SESN3: variants seen among roughly 807,000 people sequenced by gnomAD.
SESN3 encodes sestrin 3.
In SESN3, 21 loss-of-function variants were observed where a neutral mutation model predicts 55.3. The observed-to-expected ratio is 0.38, with a 90% CI of 0.27 to 0.55. The LOEUF is 0.55. Among genes scored for constraint, SESN3 ranks in the 20% least tolerant of loss-of-function variants. The pLI is 0.76. For synonymous variants in SESN3, 181 were observed against 203.1 expected (o/e 0.89, Z 0.93); for missense variants, 408 against 604.3 (o/e 0.68, Z 3.41).
intron 9 of SESN3, among the ~76,000 whole-genome samples, chr11:95,173,795 G>A (rs879273280): frequency 6.6e-6 from 1 of 151,726 alleles, no homozygotes; most frequent in Non-Finnish European, 1.5e-5. Flanking sequence ...GATGTTTAAA[G>A]TTTCTGATTA....
chr11:95,189,139 A>G (rs1860218753), intron 4 of SESN3, among the ~76,000 whole-genome samples: 1 of 151,978 alleles, frequency 6.6e-6, no homozygotes, highest in Non-Finnish European at 1.5e-5. Context: ...GGTCCCATCT[A>G]TTGAATAGTT....
rs12576611 is a variant in SESN3 at position 95,214,817 on chromosome 11, T to C, written c.78+15966A>G. ...GGAAAGACCTACCAGAGTCTACCAATGTTAGTGCCAAAACGCTTATTTTTA... is the reference window on the plus strand; with the variant it reads ...GGAAAGACCTACCAGAGTCTACCAACGTTAGTGCCAAAACGCTTATTTTTA... On this transcript the variant is annotated intron_variant, in intron 1 of 9. Coordinates refer to ENST00000536441, the MANE Select transcript of SESN3 (RefSeq NM_144665.4). Among the ~76,000 whole-genome samples, 993 of 152,316 alleles carry C rather than the reference T, an allele frequency of 6.5e-3. 32 individuals are homozygous for C. In the East Asian group the frequency reaches 0.091, roughly 14 times the overall value.
intron 1 of SESN3, among the ~76,000 whole-genome samples, chr11:95,228,153 C>T (rs1426831578): frequency 6.6e-6 from 1 of 152,134 alleles, no homozygotes; most frequent in African/African-American, 2.4e-5. Flanking sequence ...ATGTAATTCT[C>T]ATACAATATA....
At chr11:95,211,911 T>C (rs1371873920) in intron 1 of SESN3, among the ~76,000 whole-genome samples, 4 of 152,202 alleles carry the variant, frequency 2.6e-5, no homozygotes, top group African/African-American at 9.7e-5. Context: ...AAACTATCAA[T>C]TGGCTCAAAG....
chr11:95,217,234 A>C (rs1021213437), intron 1 of SESN3, among the ~76,000 whole-genome samples: 2 of 152,236 alleles, frequency 1.3e-5, no homozygotes, highest in Admixed American at 6.5e-5. Context: ...AAGAAAGGTC[A>C]CCCATATCAA....
At chr11:95,185,684 T>C (rs1860149922) in intron 4 of SESN3, among the ~76,000 whole-genome samples, 192 bp from the exon 5 acceptor site, 1 of 152,108 alleles carries the variant, frequency 6.6e-6, no homozygotes, top group Admixed American at 6.6e-5. Flanking sequence ...CCTAACAATA[T>C]AATTACATTG....
In SESN3 at chr11:95,210,160, TGAACAATGA is replaced by T. The variant is rs1265344654; in HGVS notation, c.79-16647_79-16639del. Among the ~76,000 whole-genome samples, 7 of 150,224 alleles carry T rather than the reference TGAACAATGA, an allele frequency of 4.7e-5. No individual in the cohort carries two copies. In the East Asian group the frequency reaches 1.4e-3, roughly 29 times the overall value. The stretch of plus-strand genomic sequence containing the variant: ...CATGTTCTTGCTCATAAGTGGGAGG[TGAACAATGA>T]GAACACATGGACACAGGGAGGGGAA... On this transcript the variant is annotated intron_variant, in intron 1 of 9. Coordinates refer to ENST00000536441, the MANE Select transcript of SESN3 (RefSeq NM_144665.4).
chr11:95,220,597 G>A (rs1312273788), intron 1 of SESN3, among the ~76,000 whole-genome samples: 2 of 152,158 alleles, frequency 1.3e-5, no homozygotes, highest in African/African-American at 4.8e-5. Flanking sequence ...CATTTCTAAT[G>A]TAAAAATAAG....
At position 95,168,559 on chromosome 11, in the gene SESN3, G is replaced by A. The variant is rs1265269767; in HGVS notation, c.*4696C>T. ...AATTTATAGGCTCTTTGGGGATGAG[G>A]TAGAGGAGAGCAAGATATTTCGGCA... On this transcript the variant is annotated 3_prime_UTR_variant, in exon 10 of 10. Transcript: ENST00000536441. 1 of 152,184 alleles carries A rather than the reference G, an allele frequency of 6.6e-6. No homozygotes were observed. The highest frequency in any genetic ancestry group is 1.5e-5 in the Non-Finnish European group (1 of 68,038). 9.4% of individuals were successfully genotyped at this position (152,184 alleles called of 1,614,324 possible).
In SESN3 at chr11:95,173,136, C is replaced by T. The variant is rs1342542214; in HGVS notation, c.*119G>A. On this transcript the variant is annotated 3_prime_UTR_variant, in exon 10 of 10. Coordinates refer to ENST00000536441, the MANE Select transcript of SESN3 (RefSeq NM_144665.4). ...CAAAAAACAAAAAAAAAAAAACAAA[C>T]GGCTAAACTTTGACACTAGAGAACT... 12 of 498,140 alleles carry T rather than the reference C, an allele frequency of 2.4e-5. No homozygotes were observed. The highest frequency in any genetic ancestry group is 5.8e-5 in the African/African-American group (3 of 51,442). The allele number at this position is 498,140 out of a possible 1,614,324, so 30.9% of individuals were successfully genotyped here.
At chr11:95,201,238 T>G (rs1292141221) in intron 1 of SESN3, 1 of 152,058 alleles carries the variant, frequency 6.6e-6, no homozygotes, top group Non-Finnish European at 1.5e-5. Flanking sequence ...CAAGCTCACC[T>G]AGTGAGTACT....
chr11:95,166,376 A>G lies in SESN3; in HGVS notation c.*6879T>C, dbSNP rs1333545081. The G allele has an allele frequency of 3.9e-5, 6 of 152,214 alleles. No homozygotes were observed. Among genetic ancestry groups the G allele is most frequent in the African/African-American group, 1.4e-4 (6 of 41,450 alleles). 9.4% of individuals were successfully genotyped at this position (152,214 alleles called of 1,614,324 possible). A position where few individuals can be genotyped will look rare whatever the true frequency, so the allele number is the denominator to read the frequency against. On this transcript the variant is annotated 3_prime_UTR_variant, in exon 10 of 10. Transcript: ENST00000536441. ...CAAGAAACGCAAATGATAATTCTGT[A>G]TTAATACTGATGAATTAAAGAGCTA...
At position 95,167,119 on chromosome 11, in the gene SESN3, TATA is replaced by T. The variant is rs2134200673; in HGVS notation, c.*6133_*6135del. On this transcript the variant is annotated 3_prime_UTR_variant, in exon 10 of 10. Transcript: ENST00000536441. ...AAGATATTAATTTAAGAAAGAGATGTATAATAAGTTTTATTCTGTAAGTTTCAT... is the reference window on the plus strand; with the variant it reads ...AAGATATTAATTTAAGAAAGAGATGTATAAGTTTTATTCTGTAAGTTTCAT... The T allele has an allele frequency of 6.6e-6, 1 of 152,310 alleles. No homozygotes were observed. Among genetic ancestry groups the T allele is most frequent in the Non-Finnish European group, 1.5e-5 (1 of 68,024 alleles). The allele number at this position is 152,310 out of a possible 1,614,324, so 9.4% of individuals were successfully genotyped here. A position where few individuals can be genotyped will look rare whatever the true frequency, so the allele number is the denominator to read the frequency against.
In SESN3 at chr11:95,169,635, T is replaced by C. The variant is rs1053392252; in HGVS notation, c.*3620A>G. The C allele has an allele frequency of 2.0e-5, 3 of 152,180 alleles. No homozygotes were observed. The highest frequency in any genetic ancestry group is 4.8e-5 in the African/African-American group (2 of 41,442). 9.4% of individuals were successfully genotyped at this position (152,180 alleles called of 1,614,324 possible). On this transcript the variant is annotated 3_prime_UTR_variant, in exon 10 of 10. Transcript: ENST00000536441. ...GAAATTTATTTTTTCCATGAGGAAT[T>C]GTCCTTAGAGTTCAAAAGAATCTTA...
Position 95,173,226 on chromosome 11 carries a change from C to T in SESN3, c.*29G>A, listed in dbSNP as rs746661727. On this transcript the variant is annotated 3_prime_UTR_variant, in exon 10 of 10. Transcript: ENST00000536441. ...TTATCTTATGTGAAAGGTCTTTACA[C>T]ATGTATGACATTTTCCTTGGGTGAT... 2.2e-6 allele frequency: 3 copies of T among 1,366,820 alleles called. No individual in the cohort carries two copies. In the South Asian group the frequency reaches 3.7e-5, roughly 17 times the overall value. 84.7% of individuals were successfully genotyped at this position (1,366,820 alleles called of 1,614,324 possible). A position where few individuals can be genotyped will look rare whatever the true frequency, so the allele number is the denominator to read the frequency against.
chr11:95,175,933 G>A (rs1230810273), intron 8 of SESN3, among the ~76,000 whole-genome samples: 1 of 152,216 alleles, frequency 6.6e-6, no homozygotes, highest in East Asian at 1.9e-4. Context: ...GGTGATAACT[G>A]CCATGGAGAG....
chr11:95,178,110 G>A (rs1859992246), intron 7 of SESN3, among the ~76,000 whole-genome samples: 1 of 152,054 alleles, frequency 6.6e-6, no homozygotes, highest in South Asian at 2.1e-4. Context: ...ATGGGGTATG[G>A]GATTTGCCAT....
In SESN3 at chr11:95,165,920, C is replaced by T. The variant is rs1252079507; in HGVS notation, c.*7335G>A. Reference sequence around the variant, plus strand: ...GAAAAACAAAACCTAGTAATACATACAAAAGCTTTCATGGGTTCTAGAACC... The same window carrying T: ...GAAAAACAAAACCTAGTAATACATATAAAAGCTTTCATGGGTTCTAGAACC... On this transcript the variant is annotated 3_prime_UTR_variant, in exon 10 of 10. Transcript: ENST00000536441. 1 of 152,126 alleles carries T rather than the reference C, an allele frequency of 6.6e-6. No individual in the cohort carries two copies. Among genetic ancestry groups the T allele is most frequent in the Non-Finnish European group, 1.5e-5 (1 of 67,986 alleles). 9.4% of individuals were successfully genotyped at this position (152,126 alleles called of 1,614,324 possible).
At chr11:95,224,702 A>T (rs576685007) in intron 1 of SESN3, among the ~76,000 whole-genome samples, 1 of 152,294 alleles carries the variant, frequency 6.6e-6, no homozygotes, top group South Asian at 2.1e-4. Flanking sequence ...ATATTTTCAA[A>T]AATTCTAATT....
Sources: gnomAD v4.1 joint callset for allele counts (sites outside exome capture counted in the v4.1 genomes callset) on GRCh38, gnomAD v4.1.1 for gene constraint, MANE v1.5 for transcripts, NCBI Gene and HGNC (gene_info 2026-07-23, HGNC 2026-07-21) for gene names.